CMSS1: variants seen among roughly 807,000 people sequenced by gnomAD.
The protein encoded by CMSS1 is cms1 ribosomal small subunit homolog, also known as protein CMSS1.
CMSS1 carries 33 observed loss-of-function variants against 43.5 expected under a neutral mutation model. That is an observed-to-expected ratio of 0.76 (90% CI 0.57 to 1.01). The LOEUF is 1.01. Ranked by LOEUF, CMSS1 falls within the 50% of genes least tolerant of loss-of-function variation. CMSS1 has a pLI of 0.00. For missense variants in CMSS1, 313 were observed against 326.4 expected, an observed-to-expected ratio of 0.96 and a Z score of 0.32; for synonymous variants, 115 against 117.2, an observed-to-expected ratio of 0.98 and a Z score of 0.12.
At chr3:100,034,291 C>T (rs1204221413) in intron 1 of CMSS1, among the ~76,000 whole-genome samples, 1 of 152,104 alleles carries the variant, frequency 6.6e-6, no homozygotes, top group African/African-American at 2.4e-5. Context: ...GCTAATGTAC[C>T]ACTTATTGTC....
chr3:100,150,963 G>A (rs947307744), intron 2 of CMSS1, among the ~76,000 whole-genome samples: 4 of 152,174 alleles, frequency 2.6e-5, no homozygotes, highest in African/African-American at 4.8e-5. Flanking sequence ...AGAGACCACA[G>A]TGGACTTCTT....
chr3:99,929,989 A>G, intron 1 of CMSS1: 2 of 1,613,660 alleles, frequency 1.2e-6, no homozygotes, highest in Non-Finnish European at 1.7e-6. Context: ...AGCCAGGTCC[A>G]TTTTTTCAGC....
intron 1 of CMSS1, among the ~76,000 whole-genome samples, chr3:99,953,340 T>G (rs1204283154): frequency 6.6e-6 from 1 of 152,178 alleles, no homozygotes; most frequent in Non-Finnish European, 1.5e-5. Context: ...AATGAAATTC[T>G]AAGGAAGTAG....
At chr3:99,868,480 C>A (rs1944628883) in intron 1 of CMSS1, among the ~76,000 whole-genome samples, 1 of 152,170 alleles carries the variant, frequency 6.6e-6, no homozygotes, top group Non-Finnish European at 1.5e-5. Flanking sequence ...TATGGATAGA[C>A]TAGCATAACC....
At position 100,166,350 on chromosome 3, in the gene CMSS1, A is replaced by G. The variant is rs942559752; in HGVS notation, c.371A>G (p.Lys124Arg). 6 of 1,599,546 alleles carry G rather than the reference A, an allele frequency of 3.8e-6. No homozygotes were observed. In the African/African-American group the frequency reaches 8.0e-5, roughly 21 times the overall value. The change falls in exon 5 of 10, where the codon AAG becomes AGG. Residue 124 changes from lysine (K) to arginine (R), a missense_variant. Lys to Arg is a conservative substitution (Grantham distance 26, BLOSUM62 2). Transcript: ENST00000421999. The part of the protein sequence containing the change: ...ELNLPDSCFL[K>R]ANDLTHSLSS... ...ATATTTCTAGACTCCTGTTTCCTCA[A>G]GGCCAATGATTTGACTCACAGTCTT... is the stretch of plus-strand genomic sequence containing the variant.
intron 1 of CMSS1, among the ~76,000 whole-genome samples, chr3:99,876,740 G>A (rs190300592): frequency 1.4e-4 from 21 of 152,112 alleles, no homozygotes; most frequent in African/African-American, 4.8e-4. Flanking sequence ...AATTCTTCAA[G>A]TGATGATGGA....
intron 1 of CMSS1, among the ~76,000 whole-genome samples, chr3:99,982,816 C>T (rs1272620526): frequency 6.6e-6 from 1 of 152,126 alleles, no homozygotes. Context: ...GACAATTGAA[C>T]AGCCCAACCC....
Position 100,176,385 on chromosome 3 carries a change from G to A in CMSS1, c.726G>A (p.Gln242=). 1.2e-6 allele frequency: 2 copies of A among 1,613,506 alleles called. No individual in the cohort carries two copies. Among genetic ancestry groups the A allele is most frequent in the Middle Eastern group, 1.7e-4 (1 of 6,060 alleles). Residue 242 remains glutamine (Q), a synonymous_variant, in exon 9 of 10, where the codon CAG becomes CAA. Coordinates refer to ENST00000421999, the MANE Select transcript of CMSS1 (RefSeq NM_032359.4). ...FLVFDWNWRD[Q]KLRRMMDIPE... is the part of the protein sequence containing the mutation. ...TTTTTGACTGGAACTGGAGAGATCA[G>A]AAGTTGAGGAGAATGATGGACATTC...
At chr3:100,029,866 A>G (rs1278821951) in intron 1 of CMSS1, among the ~76,000 whole-genome samples, 1 of 152,204 alleles carries the variant, frequency 6.6e-6, no homozygotes, top group Non-Finnish European at 1.5e-5. Context: ...AACAGTCAAA[A>G]TAAAATCAAA....
chr3:99,945,806 A>G (rs1707990529), intron 1 of CMSS1, among the ~76,000 whole-genome samples: 1 of 152,166 alleles, frequency 6.6e-6, no homozygotes, highest in South Asian at 2.1e-4. Flanking sequence ...TTTAACCCCA[A>G]TTTTTTTAAA....
At position 100,110,988 on chromosome 3, in the gene CMSS1, T is replaced by C. The variant is rs79646263; in HGVS notation, c.65-35985T>C. On this transcript the variant is annotated intron_variant, in intron 1 of 9. Transcript: ENST00000421999. ...TCCTGTCCTAAACAGTCACAAACTT[T>C]TTAAAATCTTATTACTCAGAATAAT... Among the ~76,000 whole-genome samples, 432 of 152,304 alleles carry C rather than the reference T, an allele frequency of 2.8e-3. 1 individual carries two copies. Among genetic ancestry groups the C allele is most frequent in the African/African-American group, 9.1e-3 (379 of 41,572 alleles).
intron 3 of CMSS1, among the ~76,000 whole-genome samples, chr3:100,161,936 A>G (rs2107526751): frequency 6.6e-6 from 1 of 152,290 alleles, no homozygotes; most frequent in East Asian, 1.9e-4. Flanking sequence ...AATTCTCAAA[A>G]TTCTAATCCT....
chr3:99,898,990 T>A (rs1706351619), intron 1 of CMSS1, among the ~76,000 whole-genome samples: 2 of 152,108 alleles, frequency 1.3e-5, no homozygotes, highest in South Asian at 4.2e-4. Context: ...TTTCTGTTGC[T>A]AGTTTCATCA....
intron 1 of CMSS1, among the ~76,000 whole-genome samples, chr3:100,113,649 G>T (rs977713923): frequency 5.9e-5 from 9 of 152,250 alleles, no homozygotes; most frequent in African/African-American, 2.2e-4. Context: ...TCAACACATT[G>T]TGATGATTTT....
At chr3:99,920,713 A>G (rs907126450) in intron 1 of CMSS1, among the ~76,000 whole-genome samples, 3 of 152,138 alleles carry the variant, frequency 2.0e-5, no homozygotes, top group African/African-American at 7.2e-5. Flanking sequence ...CGACAGCGAC[A>G]TCACTTGGCA....
Position 100,166,374 on chromosome 3 carries a change from T to C in CMSS1, c.395T>C (p.Leu132Pro). Residue 132 changes from leucine (L) to proline (P), a missense_variant, in exon 5 of 10, where the codon CTT becomes CCT. By Grantham distance (98) the Leu-to-Pro change is moderately conservative (BLOSUM62 -3). Transcript: ENST00000421999. ...FLKANDLTHS[L>P]SSYLKEICPK... is the part of the protein sequence containing the mutation. ...AAGGCCAATGATTTGACTCACAGTCTTTCCTCATACCTAAAAGAAAGTAAG... is the reference window on the plus strand; with the variant it reads ...AAGGCCAATGATTTGACTCACAGTCCTTCCTCATACCTAAAAGAAAGTAAG... The C allele has an allele frequency of 6.3e-7, 1 of 1,590,780 alleles. No homozygotes were observed. Among genetic ancestry groups the C allele is most frequent in the Non-Finnish European group, 8.6e-7 (1 of 1,159,248 alleles).
At chr3:100,017,018 TTTTG>T (rs1474899748) in intron 1 of CMSS1, among the ~76,000 whole-genome samples, 1 of 152,230 alleles carries the variant, frequency 6.6e-6, no homozygotes, top group African/African-American at 2.4e-5. Context: ...TTAAATGGGT[TTTTG>T]TTAGTTTTTC....
chr3:99,920,371 G>A (rs1707087704), intron 1 of CMSS1, among the ~76,000 whole-genome samples: 1 of 152,066 alleles, frequency 6.6e-6, no homozygotes, highest in African/African-American at 2.4e-5. Flanking sequence ...GGAAAATTTT[G>A]CAAAATTACA....
At chr3:100,117,867 A>ATG in intron 1 of CMSS1, among the ~76,000 whole-genome samples, 2 of 141,574 alleles carry the variant, frequency 1.4e-5, no homozygotes, top group African/African-American at 2.7e-5. Context: ...ATATATATAT[A>ATG]TATATATATA....
Sources: gnomAD v4.1 joint callset for allele counts (sites outside exome capture counted in the v4.1 genomes callset) on GRCh38, gnomAD v4.1.1 for gene constraint, MANE v1.5 for transcripts, NCBI Gene and HGNC (gene_info 2026-07-23, HGNC 2026-07-21) for gene names.